CBLB: variants seen among roughly 807,000 people sequenced by gnomAD.
The protein encoded by CBLB is E3 ubiquitin-protein ligase CBL-B.
Under a neutral mutation model 104.9 loss-of-function variants are expected in CBLB, and 31 were observed. That is an observed-to-expected ratio of 0.30 (90% CI 0.22 to 0.40). The LOEUF is 0.40. Among genes scored for constraint, CBLB ranks in the 10% least tolerant of loss-of-function variants. The pLI is 1.00. For missense variants in CBLB, 1,062 were observed against 1,214.6 expected (o/e 0.87, Z 1.87); for synonymous variants, 440 against 422.6 (o/e 1.04, Z -0.51).
intron 18 of CBLB, among the ~76,000 whole-genome samples, chr3:105,659,655 G>A (rs967739775): frequency 3.3e-5 from 5 of 152,186 alleles, no homozygotes; most frequent in African/African-American, 1.2e-4. Flanking sequence ...GTTTCTATGA[G>A]AGGAAACTTT....
chr3:105,791,427 A>G (rs1255969214), intron 3 of CBLB, among the ~76,000 whole-genome samples: 1 of 152,158 alleles, frequency 6.6e-6, no homozygotes, highest in East Asian at 1.9e-4. Flanking sequence ...TAGTGTAGTA[A>G]AGAAATATAT....
At chr3:105,789,824 G>A (rs765066523) in intron 3 of CBLB, among the ~76,000 whole-genome samples, 1 of 152,070 alleles carries the variant, frequency 6.6e-6, no homozygotes, top group Non-Finnish European at 1.5e-5. Context: ...TCTATTCAAT[G>A]GGGTCTCTGT....
intron 3 of CBLB, among the ~76,000 whole-genome samples, chr3:105,782,955 G>A (rs2080473317): frequency 6.6e-6 from 1 of 152,088 alleles, no homozygotes; most frequent in African/African-American, 2.4e-5. Context: ...GCTCTTCACA[G>A]GACAAATATA....
chr3:105,695,127 C>A (rs1415056962), intron 12 of CBLB, among the ~76,000 whole-genome samples: 1 of 151,710 alleles, frequency 6.6e-6, no homozygotes, highest in Admixed American at 6.6e-5. Context: ...ATTCATATTA[C>A]AAATACATAT....
intron 4 of CBLB, among the ~76,000 whole-genome samples, chr3:105,758,760 C>T (rs558305800): frequency 6.6e-6 from 1 of 152,248 alleles, no homozygotes; most frequent in African/African-American, 2.4e-5. Context: ...ATCTGATGCA[C>T]AGCAAGTGGC....
Position 105,740,647 on chromosome 3 carries a change from A to G in CBLB, c.846-16T>C. 6.2e-7 allele frequency: 1 copy of G among 1,606,402 alleles called. No individual in the cohort carries two copies. Among genetic ancestry groups the G allele is most frequent in the Non-Finnish European group, 8.5e-7 (1 of 1,173,184 alleles). ...GAAAATATAGCTGCAAAACATAAGAAAATTACATCTAATTACATTCAGAAT... is the reference window on the plus strand; with the variant it reads ...GAAAATATAGCTGCAAAACATAAGAGAATTACATCTAATTACATTCAGAAT... On this transcript the variant is annotated splice_polypyrimidine_tract_variant and intron_variant, in intron 6 of 18. Coordinates refer to ENST00000394030, the MANE Select transcript of CBLB (RefSeq NM_170662.5).
At chr3:105,718,013 C>G (rs2072173063) in intron 10 of CBLB, among the ~76,000 whole-genome samples, 1 of 152,150 alleles carries the variant, frequency 6.6e-6, no homozygotes, top group African/African-American at 2.4e-5. Context: ...GGTTATATAA[C>G]TTGCCTAGCA....
In CBLB at chr3:105,868,329, CTT is replaced by C. The variant is rs1355574087; in HGVS notation, c.-15+405_-15+406del. On this transcript the variant is annotated intron_variant, in intron 1 of 18. Transcript: ENST00000394030. Reference sequence around the variant, plus strand: ...CCTCGCCTCTGCCCTCAACCCAAAGCTTTGTTTCAGGACGCCTGTGTCCCTTC... The same window carrying C: ...CCTCGCCTCTGCCCTCAACCCAAAGCTGTTTCAGGACGCCTGTGTCCCTTC... 10 of 780,872 alleles carry C rather than the reference CTT, an allele frequency of 1.3e-5. No individual in the cohort carries two copies. The East Asian group carries it at 2.7e-4, about 21-fold the overall frequency. The allele number at this position is 780,872 out of a possible 1,614,324, so 48.4% of individuals were successfully genotyped here.
At chr3:105,763,362 C>T (rs1035345644) in intron 4 of CBLB, among the ~76,000 whole-genome samples, 2 of 152,132 alleles carry the variant, frequency 1.3e-5, no homozygotes, top group South Asian at 2.1e-4. Context: ...AGAATGACAT[C>T]GTTTGGCTGT....
At chr3:105,803,059 T>C (rs2153021494) in intron 3 of CBLB, among the ~76,000 whole-genome samples, 1 of 152,326 alleles carries the variant, frequency 6.6e-6, no homozygotes, top group East Asian at 1.9e-4. Context: ...ACAGCCAATA[T>C]TAACAAGTGC....
At chr3:105,810,842 T>A (rs1016087480) in intron 3 of CBLB, among the ~76,000 whole-genome samples, 1 of 152,144 alleles carries the variant, frequency 6.6e-6, no homozygotes, top group Non-Finnish European at 1.5e-5. Context: ...CAGGAAATAC[T>A]AAGTAAGGTT....
chr3:105,682,593 G>A (rs1043955332), intron 14 of CBLB, among the ~76,000 whole-genome samples: 4 of 152,172 alleles, frequency 2.6e-5, no homozygotes, highest in South Asian at 4.1e-4. Context: ...CGCAACCTCC[G>A]CCTACCAGGT....
At chr3:105,735,417 GA>G in intron 8 of CBLB, among the ~76,000 whole-genome samples, 1 of 152,182 alleles carries the variant, frequency 6.6e-6, no homozygotes, top group East Asian at 1.9e-4. Flanking sequence ...CTGTCCAAAG[GA>G]AAAATATGCA....
At chr3:105,786,585 C>T (rs535930361) in intron 3 of CBLB, among the ~76,000 whole-genome samples, 1 of 152,104 alleles carries the variant, frequency 6.6e-6, no homozygotes, top group African/African-American at 2.4e-5. Context: ...GTATTTTTTC[C>T]ATATCCTTCC....
Position 105,816,409 on chromosome 3 carries a change from T to C in CBLB, c.419+37005A>G, listed in dbSNP as rs556399764. On this transcript the variant is annotated intron_variant, in intron 3 of 18. Coordinates refer to ENST00000394030, the MANE Select transcript of CBLB (RefSeq NM_170662.5). ...AAACTACTAAGCAGGCAATTTCAAA[T>C]TTAGCACTTAAGCTATTCTTTCTTC... Among the ~76,000 whole-genome samples the C allele has an allele frequency of 7.8e-3, 1,184 of 152,294 alleles. 19 individuals are homozygous for C. The highest frequency in any genetic ancestry group is 0.027 in the African/African-American group (1,102 of 41,572).
At chr3:105,810,077 C>CAAAGACAGA (rs1406428125) in intron 3 of CBLB, among the ~76,000 whole-genome samples, 1 of 152,112 alleles carries the variant, frequency 6.6e-6, no homozygotes, top group African/African-American at 2.4e-5. Context: ...ACACTTCCAC[C>CAAAGACAGA]AAAGACAGAA....
chr3:105,794,462 G>A lies in CBLB; in HGVS notation c.420-17920C>T, dbSNP rs917925745. Among the ~76,000 whole-genome samples, 5 of 152,236 alleles carry A rather than the reference G, an allele frequency of 3.3e-5. No individual in the cohort carries two copies. The East Asian group carries it at 9.6e-4, about 29-fold the overall frequency. On this transcript the variant is annotated intron_variant, in intron 3 of 18. Coordinates refer to ENST00000394030, the MANE Select transcript of CBLB (RefSeq NM_170662.5). ...AGCATACTTCTGTAACAGTCTTTTA[G>A]GATATTTTGAAATAATCACAGAATT...
chr3:105,739,853 C>T (rs918266767), intron 7 of CBLB, among the ~76,000 whole-genome samples: 1 of 152,048 alleles, frequency 6.6e-6, no homozygotes, highest in Non-Finnish European at 1.5e-5. Flanking sequence ...GCCTGTAATC[C>T]CAGCACTTTG....
At chr3:105,740,456 G>A in intron 7 of CBLB, 38 bp downstream of exon 7, 1 of 1,610,310 alleles carries the variant, frequency 6.2e-7, no homozygotes, top group East Asian at 2.2e-5. Context: ...TCAAATTCAT[G>A]AATCATAAGC....
Sources: gnomAD v4.1 joint callset for allele counts (sites outside exome capture counted in the v4.1 genomes callset) on GRCh38, gnomAD v4.1.1 for gene constraint, MANE v1.5 for transcripts, NCBI Gene and HGNC (gene_info 2026-07-23, HGNC 2026-07-21) for gene names.